Variants in MVB12B observed in about 807,000 individuals in gnomAD.
MVB12B encodes multivesicular body subunit 12B, also known as ESCRT-I complex subunit MVB12B.
In MVB12B, 16 loss-of-function variants were observed where a neutral mutation model predicts 41.6. The ratio of observed to expected loss-of-function variants is 0.38; its 90% CI spans 0.26 to 0.58. The LOEUF (loss-of-function observed/expected upper bound fraction) is 0.58, where lower values mean the gene tolerates loss of function less well. MVB12B is among the 20% of genes least tolerant of loss of function. The pLI is 0.62. For missense variants in MVB12B, 274 were observed against 380.2 expected (o/e 0.72, Z 2.32); for synonymous variants, 133 against 139.7 (o/e 0.95, Z 0.34).
intron 7 of MVB12B, among the ~76,000 whole-genome samples, chr9:126,467,148 A>G (rs1833218005): frequency 6.6e-6 from 1 of 152,160 alleles, no homozygotes; most frequent in South Asian, 2.1e-4. Context: ...ATCAGATTTG[A>G]TTGAAGTAAT....
intron 7 of MVB12B, among the ~76,000 whole-genome samples, chr9:126,442,248 C>T (rs1266966494): frequency 1.3e-5 from 2 of 152,188 alleles, no homozygotes; most frequent in Admixed American, 6.5e-5. Flanking sequence ...ATTTTATCCG[C>T]AGGGCCCTAG....
chr9:126,404,675 G>A (rs990371216), intron 6 of MVB12B, among the ~76,000 whole-genome samples: 3 of 149,656 alleles, frequency 2.0e-5, no homozygotes, highest in Non-Finnish European at 3.0e-5. Flanking sequence ...AACTTTGGCC[G>A]GTGTCCAGCA....
chr9:126,481,184 T>G, intron 7 of MVB12B, 185 bp from the exon 8 acceptor site: 1 of 628,496 alleles, frequency 1.6e-6, no homozygotes, highest in Admixed American at 2.8e-5. Flanking sequence ...TCTCAGTAGG[T>G]TGTGTGTCCT....
chr9:126,487,321 C>A (rs541165107), intron 9 of MVB12B, among the ~76,000 whole-genome samples: 15 of 152,332 alleles, frequency 9.8e-5, no homozygotes, highest in Non-Finnish European at 2.1e-4. Flanking sequence ...CCATCGTTAC[C>A]GTTCTCCTTG....
intron 7 of MVB12B, among the ~76,000 whole-genome samples, chr9:126,446,824 A>G (rs1301532584): frequency 6.8e-6 from 1 of 146,508 alleles, no homozygotes; most frequent in Non-Finnish European, 1.5e-5. Context: ...TGGTTGATTT[A>G]TTTGCTTTAT....
In MVB12B at chr9:126,464,040, G is replaced by A. The variant is rs180837985; in HGVS notation, c.758-17329G>A. ...TGAAGCAGCTTTCTTCTGGGCACAC[G>A]ACTTTATTCACTCATCTGTCTATCA... On this transcript the variant is annotated intron_variant, in intron 7 of 9. Transcript: ENST00000361171. 4.1e-3 allele frequency among the ~76,000 whole-genome samples: 626 copies of A among 152,210 alleles called. 7 individuals carry two copies. Among genetic ancestry groups the A allele is most frequent in the South Asian group, 0.017 (80 of 4,820 alleles).
chr9:126,479,130 G>A (rs1394704844), intron 7 of MVB12B, among the ~76,000 whole-genome samples: 3 of 137,698 alleles, frequency 2.2e-5, no homozygotes, highest in Non-Finnish European at 4.9e-5. Flanking sequence ...TGAAGAGTGG[G>A]CTTCGGGACT....
intron 4 of MVB12B, among the ~76,000 whole-genome samples, chr9:126,388,542 G>A (rs1830862940): frequency 6.6e-6 from 1 of 152,238 alleles, no homozygotes; most frequent in East Asian, 1.9e-4. Flanking sequence ...GTTTCTGTTG[G>A]GTATCTACCT....
intron 1 of MVB12B, chr9:126,327,352 G>A: frequency 1.0e-6 from 1 of 983,608 alleles, no homozygotes; most frequent in Non-Finnish European, 1.2e-6. Flanking sequence ...GCCCACCTGG[G>A]CACAGACTGG....
At chr9:126,346,446 G>C (rs1018827864) in intron 2 of MVB12B, among the ~76,000 whole-genome samples, 13 of 152,130 alleles carry the variant, frequency 8.5e-5, no homozygotes, top group Non-Finnish European at 1.8e-4. Flanking sequence ...TAGATGCTGG[G>C]GTTCTCTGCT....
chr9:126,397,706 G>T (rs922475734), intron 6 of MVB12B: 220 of 876,966 alleles, frequency 2.5e-4, no homozygotes, highest in Non-Finnish European at 2.9e-4. Context: ...GGGTTTTTTG[G>T]TTTTTGTGGG....
rs1211371699 is a variant in MVB12B, at chr9:126,480,189, C to T, written c.758-1180C>T. Reference sequence around the variant, plus strand: ...GCATAGCCACCACCTCAGGGTGCGGCCACCCCTGACTTCGGGGCTCCGCGT... The same window carrying T: ...GCATAGCCACCACCTCAGGGTGCGGTCACCCCTGACTTCGGGGCTCCGCGT... On this transcript the variant is annotated intron_variant, in intron 7 of 9. Coordinates refer to ENST00000361171, the MANE Select transcript of MVB12B (RefSeq NM_033446.3). The surrounding 1 kb of genome is among the most constrained non-coding windows in gnomAD (Gnocchi z 4.9). Among the ~76,000 whole-genome samples the T allele has an allele frequency of 6.6e-6, 1 of 152,196 alleles. No homozygotes were observed. The highest frequency in any genetic ancestry group is 1.5e-5 in the Non-Finnish European group (1 of 68,040).
chr9:126,486,574 C>T lies in MVB12B; in HGVS notation c.873+2542C>T, dbSNP rs1398008350. ...GACGTGCTGGCAGCAGCGGCCTCAG[C>T]GTCGAGCCATCTCCCCTCCCGTTCT... On this transcript the variant is annotated intron_variant, in intron 9 of 9. Coordinates refer to ENST00000361171, the MANE Select transcript of MVB12B (RefSeq NM_033446.3). This position sits in a 1 kb window ranked among gnomAD's most constrained non-coding sequence, Gnocchi z 4.7. Among the ~76,000 whole-genome samples, 2 of 152,208 alleles carry T rather than the reference C, an allele frequency of 1.3e-5. No individual in the cohort carries two copies. The highest frequency in any genetic ancestry group is 4.8e-5 in the African/African-American group (2 of 41,452).
At chr9:126,327,207 C>T (rs1222368590) in intron 1 of MVB12B, 197 bp downstream of exon 1, 14 of 976,726 alleles carry the variant, frequency 1.4e-5, no homozygotes, top group Non-Finnish European at 1.7e-5. Context: ...GAGCGCGCCG[C>T]GGCTGCCGGT....
chr9:126,449,365 C>T (rs12378633), intron 7 of MVB12B, among the ~76,000 whole-genome samples: 7,931 of 152,202 alleles, frequency 0.052, 288 homozygotes, highest in Non-Finnish European at 0.076. Flanking sequence ...CAGATGGCAA[C>T]GGCTGTAGAG....
rs117439974 is a variant in MVB12B at position 126,503,689 on chromosome 9, C to A, written c.*426C>A. 52 of 199,972 alleles carry A rather than the reference C, an allele frequency of 2.6e-4. No homozygotes were observed. In the East Asian group the frequency reaches 7.5e-3, roughly 29 times the overall value. 12.4% of individuals were successfully genotyped at this position (199,972 alleles called of 1,614,324 possible). The stretch of plus-strand genomic sequence containing the variant: ...AGCCGTTGAGTCTCTTCCTGGAAGA[C>A]CCTGAGGGCCGGCAGCTTTGCCTAG... On this transcript the variant is annotated 3_prime_UTR_variant, in exon 10 of 10. Coordinates refer to ENST00000361171, the MANE Select transcript of MVB12B (RefSeq NM_033446.3).
intron 9 of MVB12B, among the ~76,000 whole-genome samples, chr9:126,498,453 C>A (rs1160981509): frequency 6.6e-6 from 1 of 152,240 alleles, no homozygotes. Flanking sequence ...CCTGTCCTCA[C>A]CTGGCCCAGC....
At chr9:126,449,640 G>A (rs1832855123) in intron 7 of MVB12B, among the ~76,000 whole-genome samples, 1 of 152,238 alleles carries the variant, frequency 6.6e-6, no homozygotes, top group Admixed American at 6.5e-5. Flanking sequence ...CCTGGGCCCA[G>A]TATGTTCTGA....
intron 1 of MVB12B, among the ~76,000 whole-genome samples, chr9:126,339,943 A>G (rs924047512): frequency 2.6e-5 from 4 of 152,084 alleles, no homozygotes; most frequent in African/African-American, 7.2e-5. Flanking sequence ...TGCTTACTCA[A>G]AGTCACCAGC....
Sources: gnomAD v4.1 joint callset for allele counts (sites outside exome capture counted in the v4.1 genomes callset) on GRCh38, gnomAD v4.1.1 for gene constraint, Gnocchi (gnomAD v3.1) non-coding constraint, MANE v1.5 for transcripts, NCBI Gene and HGNC (gene_info 2026-07-23, HGNC 2026-07-21) for gene names.